The following ABCA1 variants were observed in gnomAD, a reference collection of about 807,000 sequenced individuals.
ABCA1 encodes phospholipid-transporting ATPase ABCA1.
A neutral mutation model predicts 262.5 loss-of-function variants in ABCA1; 133 were observed. The observed-to-expected ratio is 0.51, with a 90% CI of 0.44 to 0.59. ABCA1 has a LOEUF of 0.59. ABCA1 is among the 20% of genes least tolerant of loss of function. ABCA1 has a pLI of 0.00. For missense variants in ABCA1, 2,452 were observed against 2,777.5 expected (o/e 0.88, Z 2.63); for synonymous variants, 1,022 against 1,043.5 (o/e 0.98, Z 0.40).
intron 22 of ABCA1, 70 bp downstream of exon 22, chr9:104,819,516 C>T (rs1832087797): frequency 3.7e-6 from 6 of 1,606,024 alleles, no homozygotes; most frequent in East Asian, 4.5e-5. Flanking sequence ...CCATGAGATA[C>T]AGCCACACTT....
At chr9:104,879,988 C>T (rs1297209518) in intron 5 of ABCA1, among the ~76,000 whole-genome samples, 4 of 152,148 alleles carry the variant, frequency 2.6e-5, no homozygotes, top group Non-Finnish European at 5.9e-5. Flanking sequence ...GAGCTGTCTT[C>T]GACTATTTCA....
intron 5 of ABCA1, among the ~76,000 whole-genome samples, chr9:104,862,644 C>CGGGCAGCGCCGGGCAGGGCA (rs1554729316): frequency 1.3e-4 from 1 of 7,536 alleles, no homozygotes; most frequent in Non-Finnish European, 3.3e-4. Flanking sequence ...CGGGCCGGGC[C>CGGGCAGCGCCGGGCAGGGCA]GGGCCGGGCC....
intron 1 of ABCA1, among the ~76,000 whole-genome samples, chr9:104,905,841 G>A (rs1442993808): frequency 1.3e-5 from 2 of 152,120 alleles, no homozygotes; most frequent in Non-Finnish European, 2.9e-5. Flanking sequence ...CAATGAGGAG[G>A]GGACAATTAA....
chr9:104,790,010 C>T (rs986517633), intron 44 of ABCA1, among the ~76,000 whole-genome samples: 28 of 151,824 alleles, frequency 1.8e-4, no homozygotes, highest in Middle Eastern at 3.2e-3. Context: ...GCAGGAGAAT[C>T]GCTTGAACCT....
intron 22 of ABCA1, 116 bp downstream of exon 22, chr9:104,819,470 A>C: frequency 2.4e-5 from 33 of 1,391,000 alleles, no homozygotes; most frequent in African/African-American, 4.3e-5. Context: ...CTTCTGTGAT[A>C]ACAGAAGAGT....
At chr9:104,793,059 T>TA in intron 41 of ABCA1, 112 bp downstream of exon 41, 1 of 1,587,360 alleles carries the variant, frequency 6.3e-7, no homozygotes, top group South Asian at 1.1e-5. Context: ...AAATCAGTTT[T>TA]ATCACATATT....
chr9:104,883,172 A>G lies in ABCA1; in HGVS notation c.303-15T>C. ...GGCGAGCCACACTGTAAAGGGTGCAAGAAAAGGCGAAAGGCTTTAGCTAGG... is the reference window on the plus strand; with the variant it reads ...GGCGAGCCACACTGTAAAGGGTGCAGGAAAAGGCGAAAGGCTTTAGCTAGG... On this transcript the variant is annotated splice_polypyrimidine_tract_variant and intron_variant, in intron 4 of 49. Transcript: ENST00000374736. 3 of 1,607,888 alleles carry G rather than the reference A, an allele frequency of 1.9e-6. No homozygotes were observed. Among genetic ancestry groups the G allele is most frequent in the Non-Finnish European group, 2.6e-6 (3 of 1,174,764 alleles).
Position 104,889,233 on chromosome 9 carries a change from A to G in ABCA1, c.67-38T>C, listed in dbSNP as rs762034054. The stretch of plus-strand genomic sequence containing the variant: ...TAAGATAGAACACTGTAAATTTAAA[A>G]ATAATATGGATATCCAATGCCACTG... On this transcript the variant is annotated intron_variant, in intron 2 of 49. Transcript: ENST00000374736. The G allele has an allele frequency of 3.1e-6, 5 of 1,603,800 alleles. No individual in the cohort carries two copies. In the Admixed American group the frequency reaches 5.1e-5, roughly 16 times the overall value.
chr9:104,844,717 A>G lies in ABCA1; in HGVS notation c.813+760T>C, dbSNP rs147713975. Among the ~76,000 whole-genome samples the G allele has an allele frequency of 3.2e-3, 488 of 152,330 alleles. 1 individual carries two copies. Among genetic ancestry groups the G allele is most frequent in the Non-Finnish European group, 6.2e-3 (424 of 68,036 alleles). ...TTTCCCCACAAATTATTATTTTCCA[A>G]TATCCTACACGTTAAAGTCTGTATT... On this transcript the variant is annotated intron_variant, in intron 8 of 49. Transcript: ENST00000374736.
rs1831999717 is a variant in ABCA1 at position 104,818,687 on chromosome 9, A to G, written c.3438T>C (p.Ser1146=). ...ESSLSSCRNS[S]STVSYLKKED... Reference sequence around the variant, plus strand: ...CCTTTTTCAGGTATGACACAGTGCTACTACTGTTTCTGCAGGAACTGAGGG... The same window carrying G: ...CCTTTTTCAGGTATGACACAGTGCTGCTACTGTTTCTGCAGGAACTGAGGG... Residue 1146 remains serine (S), a synonymous_variant, in exon 23 of 50, where the codon AGT becomes AGC. Coordinates refer to ENST00000374736, the MANE Select transcript of ABCA1 (RefSeq NM_005502.4). 1 of 1,613,212 alleles carries G rather than the reference A, an allele frequency of 6.2e-7. No homozygotes were observed. Among genetic ancestry groups the G allele is most frequent in the South Asian group, 1.1e-5 (1 of 91,034 alleles).
At chr9:104,829,662 T>C (rs1374299321) in intron 14 of ABCA1, among the ~76,000 whole-genome samples, 1 of 152,160 alleles carries the variant, frequency 6.6e-6, no homozygotes, top group African/African-American at 2.4e-5. Context: ...AGCTTTACCA[T>C]GTAGGCACAT....
intron 2 of ABCA1, among the ~76,000 whole-genome samples, chr9:104,896,629 C>T (rs12341993): frequency 2.7e-5 from 4 of 147,090 alleles, no homozygotes; most frequent in Non-Finnish European, 1.5e-5. Context: ...ATTCAGGGTA[C>T]ATTCTGGGCT....
In ABCA1 at chr9:104,916,473, A is replaced by G. The variant is rs1418116437; in HGVS notation, c.-93+11462T>C. ...ATTTAACATTTCAGTGTCCATTTTA[A>G]GCTGAAAGGAACAGACATCTACAGA... is the stretch of plus-strand genomic sequence containing the variant. On this transcript the variant is annotated intron_variant, in intron 1 of 49. Transcript: ENST00000374736. 1.3e-5 allele frequency among the ~76,000 whole-genome samples: 2 copies of G among 152,368 alleles called. 1 individual carries two copies. Among genetic ancestry groups the G allele is most frequent in the Middle Eastern group, 6.8e-3 (2 of 294 alleles).
At chr9:104,825,993 T>C (rs1832780341) in intron 16 of ABCA1, 106 bp from the exon 17 acceptor site, 1 of 1,156,366 alleles carries the variant, frequency 8.6e-7, no homozygotes, top group Admixed American at 2.0e-5. Flanking sequence ...GCAAAATGGA[T>C]CAATCATAAG....
chr9:104,872,917 A>G (rs1204108897), intron 5 of ABCA1, among the ~76,000 whole-genome samples: 3 of 152,240 alleles, frequency 2.0e-5, no homozygotes, highest in Non-Finnish European at 4.4e-5. Flanking sequence ...TGTGTTTTCT[A>G]TTCTTGTCTG....
chr9:104,904,943 T>C (rs1840992015), intron 1 of ABCA1, among the ~76,000 whole-genome samples: 1 of 151,822 alleles, frequency 6.6e-6, no homozygotes, highest in Admixed American at 6.6e-5. Flanking sequence ...CAAGGGATAC[T>C]ACATTCTGTG....
At chr9:104,798,394 A>G (rs1202229510) in intron 37 of ABCA1, 27 bp downstream of exon 37, 1 of 1,613,188 alleles carries the variant, frequency 6.2e-7, no homozygotes, top group African/African-American at 1.3e-5. Context: ...CAGACATCAG[A>G]AAGATACAGC....
chr9:104,781,610 CAGATAATGAAATACAGT>C lies in ABCA1; in HGVS notation c.*2688_*2704del, dbSNP rs1564065905. ...AGTCACAAAGCATTTGCTTTCAGTA[CAGATAATGAAATACAGT>C]AGTGTGAGGTTTGGTTGTTTTTTAA... On this transcript the variant is annotated 3_prime_UTR_variant, in exon 50 of 50. Transcript: ENST00000374736. 6.6e-6 allele frequency: 1 copy of C among 152,566 alleles called. No homozygotes were observed. 9.5% of individuals were successfully genotyped at this position (152,566 alleles called of 1,614,324 possible).
chr9:104,836,322 A>G (rs1237423873), intron 11 of ABCA1, among the ~76,000 whole-genome samples: 2 of 152,222 alleles, frequency 1.3e-5, no homozygotes, highest in South Asian at 2.1e-4. Context: ...CAAAAGGAAG[A>G]GGCCTCCCTC....
Sources: allele counts gnomAD v4.1 joint callset (sites outside exome capture counted in the v4.1 genomes callset), GRCh38; gene constraint gnomAD v4.1.1; transcripts MANE v1.5; gene names NCBI Gene and HGNC (gene_info 2026-07-23, HGNC 2026-07-21).